The following DNAH11 variants were observed in gnomAD, a reference collection of about 807,000 sequenced individuals.
The protein encoded by DNAH11 is dynein axonemal heavy chain 11, also known as axonemal beta dynein heavy chain 11.
DNAH11 carries 442 observed loss-of-function variants against 526.0 expected under a neutral mutation model. The ratio of observed to expected loss-of-function variants is 0.84; its 90% CI spans 0.78 to 0.91. The LOEUF (loss-of-function observed/expected upper bound fraction) is 0.91. Among genes scored for constraint, DNAH11 ranks in the 40% least tolerant of loss-of-function variants. The probability of loss-of-function intolerance (pLI) is 0.00; values close to 1 mark genes in which losing one functional copy is unlikely to be tolerated. For missense variants in DNAH11, 6,989 were observed against 5,448.7 expected (o/e 1.28, Z -8.90); for synonymous variants, 2,461 against 1,935.9 (o/e 1.27, Z -7.12).
chr7:21,770,167 T>C (rs1234358020), intron 55 of DNAH11, among the ~76,000 whole-genome samples: 1 of 152,182 alleles, frequency 6.6e-6, no homozygotes. Flanking sequence ...CAGTATCCCT[T>C]ACCCAAAATA....
At chr7:21,681,426 CAAA>C in intron 30 of DNAH11, 117 bp from the exon 31 acceptor site, 3 of 878,186 alleles carry the variant, frequency 3.4e-6, no homozygotes, top group Non-Finnish European at 4.7e-6. Context: ...GACTCCATCT[CAAA>C]AAAAAAAAGA....
At chr7:21,710,846 C>A in intron 41 of DNAH11, 143 bp downstream of exon 41, 2 of 874,554 alleles carry the variant, frequency 2.3e-6, no homozygotes, top group Non-Finnish European at 1.6e-6. Flanking sequence ...GTGTTGCTTT[C>A]CTGATAATTT....
At chr7:21,853,588 T>TATA (rs1562585123) in intron 67 of DNAH11, among the ~76,000 whole-genome samples, 1 of 152,188 alleles carries the variant, frequency 6.6e-6, no homozygotes, top group Non-Finnish European at 1.5e-5. Flanking sequence ...TATACACAAA[T>TATA]ATTATGAGTC....
intron 66 of DNAH11, 120 bp from the exon 67 acceptor site, chr7:21,852,347 C>A: frequency 1.0e-6 from 1 of 987,324 alleles, no homozygotes; most frequent in Non-Finnish European, 1.4e-6. Context: ...GCACACGTCG[C>A]AGTGAGCCAA....
Position 21,661,810 on chromosome 7 carries a change from G to A in DNAH11, c.5328+2779G>A, listed in dbSNP as rs926954046. On this transcript the variant is annotated intron_variant, in intron 30 of 81. Coordinates refer to ENST00000409508, the MANE Select transcript of DNAH11 (RefSeq NM_001277115.2). Reference sequence around the variant, plus strand: ...GATCATTAGAAGGATTACTTAGTTAGTATATGGAAAATACTATTTTTTTTT... The same window carrying A: ...GATCATTAGAAGGATTACTTAGTTAATATATGGAAAATACTATTTTTTTTT... 2.0e-5 allele frequency among the ~76,000 whole-genome samples: 3 copies of A among 151,970 alleles called. 1 individual carries two copies. Among genetic ancestry groups the A allele is most frequent in the Non-Finnish European group, 1.5e-5 (1 of 67,976 alleles).
At chr7:21,709,158 A>G (rs540450714) in intron 40 of DNAH11, among the ~76,000 whole-genome samples, 2 of 152,340 alleles carry the variant, frequency 1.3e-5, no homozygotes, top group East Asian at 3.9e-4. Context: ...TCACAATAGC[A>G]AAGACGTGGA....
At chr7:21,576,726 AAGAC>A (rs1247253607) in intron 8 of DNAH11, among the ~76,000 whole-genome samples, 25 of 152,340 alleles carry the variant, frequency 1.6e-4, no homozygotes, top group Admixed American at 1.6e-3. Context: ...GCAATTAAGA[AAGAC>A]AGAATTCTTA....
chr7:21,617,506 C>G, intron 22 of DNAH11, 113 bp from the exon 23 acceptor site: 2 of 1,265,724 alleles, frequency 1.6e-6, no homozygotes, highest in Non-Finnish European at 1.1e-6. Flanking sequence ...AGTTCAAATG[C>G]TTTCACTCTT....
Position 21,784,486 on chromosome 7 carries a change from C to A in DNAH11, c.9543C>A (p.Leu3181=). The A allele has an allele frequency of 6.2e-7, 1 of 1,613,532 alleles. No homozygotes were observed. The change falls in exon 58 of 82, where the codon CTC becomes CTA. Residue 3181 remains leucine (L), a synonymous_variant. Transcript: ENST00000409508. ...QKQRECEADL[L]KAEPALVAAT... is the part of the protein sequence containing the mutation. ...AGAGAGAATGTGAAGCTGACTTACT[C>A]AAGGCTGAGCCTGCACTGGTGGCTG...
intron 68 of DNAH11, among the ~76,000 whole-genome samples, chr7:21,860,169 T>C (rs975003803): frequency 4.0e-5 from 6 of 151,834 alleles, no homozygotes; most frequent in Non-Finnish European, 8.8e-5. Flanking sequence ...TGAAAGTTTG[T>C]CTCAAACAAA....
At chr7:21,848,639 A>G (rs1156694181) in intron 66 of DNAH11, among the ~76,000 whole-genome samples, 1 of 151,986 alleles carries the variant, frequency 6.6e-6, no homozygotes, top group Non-Finnish European at 1.5e-5. Context: ...CTCTCTCTGT[A>G]TATATAGCTG....
At chr7:21,812,704 C>A (rs940717392) in intron 63 of DNAH11, among the ~76,000 whole-genome samples, 1 of 152,056 alleles carries the variant, frequency 6.6e-6, no homozygotes, top group African/African-American at 2.4e-5. Context: ...AAAATGAACT[C>A]TTTCCACTTC....
At chr7:21,607,916 G>A (rs1311766440) in intron 20 of DNAH11, among the ~76,000 whole-genome samples, 1 of 111,328 alleles carries the variant, frequency 9.0e-6, no homozygotes, top group East Asian at 2.8e-4. Context: ...CCAGCCTGGC[G>A]ACAGAGCAAG....
At chr7:21,767,285 A>G (rs1052319437) in intron 55 of DNAH11, among the ~76,000 whole-genome samples, 8 of 152,296 alleles carry the variant, frequency 5.3e-5, no homozygotes, top group Non-Finnish European at 1.0e-4. Context: ...TTGTTTCTGC[A>G]TGTTACTTTG....
intron 35 of DNAH11, among the ~76,000 whole-genome samples, chr7:21,694,705 A>C (rs1783775024): frequency 6.6e-6 from 1 of 152,180 alleles, no homozygotes. Context: ...AATCCCTTGG[A>C]TATATGCCCA....
Position 21,636,514 on chromosome 7 carries a change from G to T in DNAH11, c.4725+419G>T, listed in dbSNP as rs113459760. 3.6e-3 allele frequency among the ~76,000 whole-genome samples: 550 copies of T among 152,146 alleles called. 8 individuals are homozygous for T. The highest frequency in any genetic ancestry group is 0.012 in the African/African-American group (516 of 41,530). ...TTTTGGGAGTCCAAGGTAGGAGGAT[G>T]ACTTGAGGCCAGGAGTTCGAGACAA... On this transcript the variant is annotated intron_variant, in intron 26 of 81. Coordinates refer to ENST00000409508, the MANE Select transcript of DNAH11 (RefSeq NM_001277115.2).
At chr7:21,612,351 C>G (rs111599276) in intron 20 of DNAH11, among the ~76,000 whole-genome samples, 4 of 151,856 alleles carry the variant, frequency 2.6e-5, no homozygotes, top group Non-Finnish European at 5.9e-5. Flanking sequence ...GTCAGGAGAT[C>G]GAGACCATCC....
intron 55 of DNAH11, among the ~76,000 whole-genome samples, chr7:21,767,096 G>A (rs925774442): frequency 1.3e-5 from 2 of 152,084 alleles, no homozygotes; most frequent in African/African-American, 2.4e-5. Flanking sequence ...TTTCGTATGT[G>A]ATTGCCAGGT....
intron 20 of DNAH11, among the ~76,000 whole-genome samples, chr7:21,608,292 A>T (rs1785383859): frequency 6.6e-6 from 1 of 152,236 alleles, no homozygotes; most frequent in African/African-American, 2.4e-5. Flanking sequence ...AAGATGTTTT[A>T]AACTTTTATT....
Sources: gnomAD v4.1 joint callset for allele counts (sites outside exome capture counted in the v4.1 genomes callset) on GRCh38, gnomAD v4.1.1 for gene constraint, MANE v1.5 for transcripts, NCBI Gene and HGNC (gene_info 2026-07-23, HGNC 2026-07-21) for gene names.